The following TRMT9B variants were observed in gnomAD, a reference collection of about 807,000 sequenced individuals.
TRMT9B encodes tRNA methyltransferase 9B (putative), also known as probable tRNA methyltransferase 9B.
TRMT9B carries 16 observed loss-of-function variants against 11.5 expected under a neutral mutation model. The ratio of observed to expected loss-of-function variants is 1.39; its 90% CI spans 0.94 to 2.11. TRMT9B has a LOEUF of 2.11. Ranked by LOEUF, TRMT9B falls within the 30% of genes most tolerant of loss-of-function variation. The pLI is 0.00. For missense variants in TRMT9B, 941 were observed against 553.8 expected (o/e 1.70, Z -7.02); for synonymous variants, 274 against 192.4 (o/e 1.42, Z -3.51).
rs746795812 is a variant in TRMT9B at position 13,021,272 on chromosome 8, G to A, written c.593G>A (p.Ser198Asn). Residue 198 changes from serine to asparagine, a missense_variant, in exon 5 of 5, where the codon AGC becomes AAC. Transcript: ENST00000524591. Reference protein sequence around the residue: ...HPYHPPCSECSCSVCFKEQCG... With the variant: ...HPYHPPCSECNCSVCFKEQCG... ...TACCATCCTCCTTGCTCTGAGTGTAGCTGTTCTGTTTGTTTTAAAGAGCAG... is the reference window on the plus strand; with the variant it reads ...TACCATCCTCCTTGCTCTGAGTGTAACTGTTCTGTTTGTTTTAAAGAGCAG... The A allele has an allele frequency of 1.1e-5, 17 of 1,613,890 alleles. No homozygotes were observed. The highest frequency in any genetic ancestry group is 1.4e-5 in the Non-Finnish European group (17 of 1,179,884).
chr8:12,984,728 G>T (rs1280375341), intron 1 of TRMT9B, among the ~76,000 whole-genome samples: 1 of 152,082 alleles, frequency 6.6e-6, no homozygotes, highest in South Asian at 2.1e-4. Context: ...GAAGCCGGGC[G>T]CTATATTTTC....
In TRMT9B at chr8:12,990,790, A is replaced by G. The variant is rs569294225; in HGVS notation, c.-199-44A>G. The G allele has an allele frequency of 1.6e-5, 20 of 1,242,132 alleles. No individual in the cohort carries two copies. In the Admixed American group the frequency reaches 3.7e-4, roughly 23 times the overall value. The allele number at this position is 1,242,132 out of a possible 1,614,324, so 76.9% of individuals were successfully genotyped here. ...CTGGGCTGTAGCTGGCTCCATATAC[A>G]TACCATGTGAAATGACATTTAGTAT... On this transcript the variant is annotated intron_variant, in intron 1 of 4. Coordinates refer to ENST00000524591, the MANE Select transcript of TRMT9B (RefSeq NM_020844.3).
chr8:12,985,756 A>G (rs1233395361), intron 1 of TRMT9B, among the ~76,000 whole-genome samples: 1 of 151,974 alleles, frequency 6.6e-6, no homozygotes, highest in African/African-American at 2.4e-5. Context: ...AGAGTTTGTG[A>G]TCCTTCCTCC....
In TRMT9B at chr8:13,023,997, A is replaced by G. The variant is rs1184357272; in HGVS notation, c.*1953A>G. 3 of 165,626 alleles carry G rather than the reference A, an allele frequency of 1.8e-5. No individual in the cohort carries two copies. In the East Asian group the frequency reaches 5.9e-4, roughly 33 times the overall value. 10.3% of individuals were successfully genotyped at this position (165,626 alleles called of 1,614,324 possible). ...CAGTAGTGGATGATTGAAAACATAT[A>G]TAAGTGGAGTATAAATTAAAAATTA... On this transcript the variant is annotated 3_prime_UTR_variant, in exon 5 of 5. Coordinates refer to ENST00000524591, the MANE Select transcript of TRMT9B (RefSeq NM_020844.3).
intron 1 of TRMT9B, among the ~76,000 whole-genome samples, chr8:12,989,686 C>T (rs1484084223): frequency 6.6e-6 from 1 of 152,216 alleles, no homozygotes; most frequent in Non-Finnish European, 1.5e-5. Context: ...CAGAGCCTGG[C>T]AGGGTAAGTC....
At chr8:12,969,349 T>C (rs1026207553) in intron 1 of TRMT9B, among the ~76,000 whole-genome samples, 6 of 152,198 alleles carry the variant, frequency 3.9e-5, no homozygotes. Flanking sequence ...TATGTTTCTG[T>C]ATTGTGTATA....
intron 1 of TRMT9B, chr8:12,951,505 C>G (rs934261999): frequency 6.6e-6 from 1 of 152,372 alleles, no homozygotes; most frequent in Middle Eastern, 3.4e-3. Flanking sequence ...AAGGTCACCC[C>G]GTCCCCGGCG....
At chr8:12,960,809 G>T (rs1802005254) in intron 1 of TRMT9B, among the ~76,000 whole-genome samples, 1 of 152,068 alleles carries the variant, frequency 6.6e-6, no homozygotes, top group Non-Finnish European at 1.5e-5. Flanking sequence ...TCGAGTGTGG[G>T]GGTAAGAGAA....
rs1426711549 is a variant in TRMT9B, at chr8:13,024,552, C to G, written c.*2508C>G. 1.2e-5 allele frequency: 2 copies of G among 167,122 alleles called. No homozygotes were observed. Among genetic ancestry groups the G allele is most frequent in the African/African-American group, 2.4e-5 (1 of 41,468 alleles). 10.4% of individuals were successfully genotyped at this position (167,122 alleles called of 1,614,324 possible). Reference sequence around the variant, plus strand: ...GCTAGAAATCTGTGCTTGAAGTCCTCTCTTTCTGCTGCTAGCCTACCAGTT... The same window carrying G: ...GCTAGAAATCTGTGCTTGAAGTCCTGTCTTTCTGCTGCTAGCCTACCAGTT... On this transcript the variant is annotated 3_prime_UTR_variant, in exon 5 of 5. Coordinates refer to ENST00000524591, the MANE Select transcript of TRMT9B (RefSeq NM_020844.3).
intron 4 of TRMT9B, among the ~76,000 whole-genome samples, chr8:13,017,186 T>G (rs1812883424): frequency 6.6e-6 from 1 of 152,102 alleles, no homozygotes; most frequent in Admixed American, 6.5e-5. Context: ...AAAATCTGCT[T>G]TATGCTAAAC....
intron 4 of TRMT9B, among the ~76,000 whole-genome samples, chr8:13,016,349 C>G (rs529543874): frequency 1.8e-4 from 26 of 145,198 alleles, no homozygotes; most frequent in African/African-American, 6.5e-4. Context: ...TCTTATATGA[C>G]ATATATAAGG....
intron 1 of TRMT9B, among the ~76,000 whole-genome samples, chr8:12,965,274 A>G (rs1006105924): frequency 3.9e-5 from 6 of 151,954 alleles, no homozygotes; most frequent in African/African-American, 1.2e-4. Context: ...GGATTCGGAG[A>G]CTCTGGAGGG....
intron 1 of TRMT9B, among the ~76,000 whole-genome samples, chr8:12,959,389 G>T (rs951104743): frequency 1.4e-4 from 22 of 151,922 alleles, no homozygotes; most frequent in Admixed American, 1.3e-3. Context: ...CTTCAGCTAT[G>T]TGTATATAAA....
chr8:12,986,370 G>T (rs1253903637), intron 1 of TRMT9B, among the ~76,000 whole-genome samples: 2 of 152,092 alleles, frequency 1.3e-5, no homozygotes, highest in Non-Finnish European at 2.9e-5. Context: ...ATTGAACATT[G>T]TAAAAATACC....
At chr8:12,950,609 A>G (rs1800528860) in intron 1 of TRMT9B, among the ~76,000 whole-genome samples, 1 of 151,060 alleles carries the variant, frequency 6.6e-6, no homozygotes, top group Non-Finnish European at 1.5e-5. Context: ...CAGTCTGATT[A>G]TCCAGGGCAT....
chr8:13,010,467 T>A, intron 3 of TRMT9B: 1 of 984,922 alleles, frequency 1.0e-6, no homozygotes, highest in Non-Finnish European at 1.2e-6. Flanking sequence ...TCATCAGCTG[T>A]TTGATGAATA....
chr8:12,949,577 A>T (rs187196651), intron 1 of TRMT9B, among the ~76,000 whole-genome samples: 1 of 151,924 alleles, frequency 6.6e-6, no homozygotes, highest in Non-Finnish European at 1.5e-5. Context: ...AAATCTCTTT[A>T]TTTTTCTACC....
At chr8:12,947,398 A>G (rs933300447) in intron 1 of TRMT9B, among the ~76,000 whole-genome samples, 1 of 152,230 alleles carries the variant, frequency 6.6e-6, no homozygotes, top group Admixed American at 6.5e-5. Context: ...GATGACTTGG[A>G]AAGGTGGAGA....
chr8:12,983,934 G>A lies in TRMT9B; in HGVS notation c.-199-6900G>A, dbSNP rs181315576. On this transcript the variant is annotated intron_variant, in intron 1 of 4. Coordinates refer to ENST00000524591, the MANE Select transcript of TRMT9B (RefSeq NM_020844.3). ...ACTTTTTTTAAAAAACTGTATTAAT[G>A]ATATGTCCTATTTTTACTGTTAAGT... Among the ~76,000 whole-genome samples, 3 of 152,204 alleles carry A rather than the reference G, an allele frequency of 2.0e-5. No individual in the cohort carries two copies. The East Asian group carries it at 5.8e-4, about 29-fold the overall frequency.
Sources: gnomAD v4.1 joint callset for allele counts (sites outside exome capture counted in the v4.1 genomes callset) on GRCh38, gnomAD v4.1.1 for gene constraint, MANE v1.5 for transcripts, NCBI Gene and HGNC (gene_info 2026-07-23, HGNC 2026-07-21) for gene names.